The following ANKS1A variants were observed in gnomAD, a reference collection of about 807,000 sequenced individuals.
The protein encoded by ANKS1A is ankyrin repeat and SAM domain-containing protein 1A.
Under a neutral mutation model 120.3 loss-of-function variants are expected in ANKS1A, and 55 were observed. That is an observed-to-expected ratio of 0.46 (90% CI 0.37 to 0.57). ANKS1A has a LOEUF of 0.57. Ranked by LOEUF, ANKS1A falls within the 20% of genes least tolerant of loss-of-function variation. The pLI is 0.00. For missense variants in ANKS1A, 1,123 were observed against 1,480.3 expected, an observed-to-expected ratio of 0.76 and a Z score of 3.96; for synonymous variants, 590 against 604.7, an observed-to-expected ratio of 0.98 and a Z score of 0.36.
intron 1 of ANKS1A, among the ~76,000 whole-genome samples, chr6:34,909,371 T>A (rs1291883713): frequency 6.6e-6 from 1 of 152,214 alleles, no homozygotes; most frequent in African/African-American, 2.4e-5. Flanking sequence ...TGTCTTCAAC[T>A]GACATTTGCC....
At chr6:35,079,385 A>G (rs1300248898) in intron 14 of ANKS1A, 131 bp from the exon 15 acceptor site, 5 of 1,074,244 alleles carry the variant, frequency 4.7e-6, no homozygotes, top group Non-Finnish European at 6.6e-6. Flanking sequence ...GGGGGGCTGG[A>G]AGGTGCTGAG....
At chr6:35,073,448 G>A (rs1243694058) in intron 13 of ANKS1A, among the ~76,000 whole-genome samples, 1 of 152,282 alleles carries the variant, frequency 6.6e-6, no homozygotes, top group East Asian at 1.9e-4. Flanking sequence ...TGAAGTCTGA[G>A]CGAGTCAGGA....
intron 13 of ANKS1A, chr6:35,070,823 TC>T: frequency 1.9e-6 from 1 of 524,324 alleles, no homozygotes; most frequent in South Asian, 1.6e-5. Flanking sequence ...CTTTCTTTTT[TC>T]TTTGTGTGTG....
At chr6:34,991,783 CAT>C (rs893491135) in intron 9 of ANKS1A, among the ~76,000 whole-genome samples, 16 of 139,198 alleles carry the variant, frequency 1.1e-4, no homozygotes, top group East Asian at 4.0e-4. Flanking sequence ...TATATACACA[CAT>C]ATATATATAC....
intron 1 of ANKS1A, among the ~76,000 whole-genome samples, chr6:34,904,973 G>A (rs1581671886): frequency 6.6e-6 from 1 of 152,122 alleles, no homozygotes; most frequent in Non-Finnish European, 1.5e-5. Context: ...ACCACGCTCA[G>A]CTAATTTTTG....
In ANKS1A at chr6:35,082,128, C is replaced by G. The variant is rs1282616235; in HGVS notation, c.2710-563C>G. 1.3e-5 allele frequency among the ~76,000 whole-genome samples: 2 copies of G among 152,150 alleles called. No homozygotes were observed. Among genetic ancestry groups the G allele is most frequent in the Non-Finnish European group, 2.9e-5 (2 of 68,022 alleles). ...TGAATCTTTTCCTTCCTCTCCATTCCTTCCACCAGTGCCCTGGACAGGGAC... is the reference window on the plus strand; with the variant it reads ...TGAATCTTTTCCTTCCTCTCCATTCGTTCCACCAGTGCCCTGGACAGGGAC... On this transcript the variant is annotated intron_variant, in intron 17 of 23. Coordinates refer to ENST00000360359, the MANE Select transcript of ANKS1A (RefSeq NM_015245.3). This position sits in a 1 kb window ranked among gnomAD's most constrained non-coding sequence, Gnocchi z 4.1.
intron 1 of ANKS1A, among the ~76,000 whole-genome samples, chr6:34,917,055 G>A (rs1768200503): frequency 6.6e-6 from 1 of 152,086 alleles, no homozygotes; most frequent in African/African-American, 2.4e-5. Context: ...ACAAGTCCTG[G>A]GCATCTCTCT....
intron 11 of ANKS1A, among the ~76,000 whole-genome samples, chr6:35,030,468 C>T (rs937798745): frequency 6.6e-6 from 1 of 152,174 alleles, no homozygotes; most frequent in Non-Finnish European, 1.5e-5. Context: ...ATCCTAGTTA[C>T]CATGTAGTCC....
chr6:34,998,761 C>T (rs886765413), intron 10 of ANKS1A, among the ~76,000 whole-genome samples: 5 of 152,176 alleles, frequency 3.3e-5, no homozygotes. Context: ...CCTGCTGATG[C>T]TCCCAGCTGA....
At chr6:34,895,846 A>C (rs537836489) in intron 1 of ANKS1A, among the ~76,000 whole-genome samples, 10,300 of 123,234 alleles carry the variant, frequency 0.084, 571 homozygotes, top group East Asian at 0.26. Context: ...CTGGAGTGCG[A>C]TGGCACGATC....
At position 34,982,526 on chromosome 6, in the gene ANKS1A, T is replaced by C. The variant is rs1389928904; in HGVS notation, c.733-226T>C. Among the ~76,000 whole-genome samples the C allele has an allele frequency of 6.6e-6, 1 of 152,196 alleles. No homozygotes were observed. Among genetic ancestry groups the C allele is most frequent in the Non-Finnish European group, 1.5e-5 (1 of 68,036 alleles). ...CAGTAGATGGCTCTAAGAGTAACTG[T>C]TCAGTTATTCACACGTGGCCTGCTG... On this transcript the variant is annotated intron_variant, in intron 4 of 23. Coordinates refer to ENST00000360359, the MANE Select transcript of ANKS1A (RefSeq NM_015245.3). The surrounding 1 kb of genome is among the most constrained non-coding windows in gnomAD (Gnocchi z 4.9).
intron 1 of ANKS1A, among the ~76,000 whole-genome samples, chr6:34,890,685 G>C (rs1253531172): frequency 6.6e-6 from 1 of 152,180 alleles, no homozygotes; most frequent in Non-Finnish European, 1.5e-5. Flanking sequence ...TGGCTTCGAA[G>C]GGGGATTGGG....
intron 1 of ANKS1A, among the ~76,000 whole-genome samples, chr6:34,917,250 A>G (rs985347158): frequency 1.1e-4 from 17 of 152,296 alleles, no homozygotes; most frequent in Middle Eastern, 3.4e-3. Flanking sequence ...TTCTCTCCCC[A>G]CTGTGGAAGG....
intron 1 of ANKS1A, among the ~76,000 whole-genome samples, chr6:34,904,971 C>G (rs1767569802): frequency 6.6e-6 from 1 of 152,080 alleles, no homozygotes; most frequent in South Asian, 2.1e-4. Flanking sequence ...CCACCACGCT[C>G]AGCTAATTTT....
At position 35,082,891 on chromosome 6, in the gene ANKS1A, A is replaced by G; in HGVS notation, c.2835+75A>G. ...GGCCAGGCACCTGCGGCCAAGTCCC[A>G]GCAGGGACTCCACAAAGCCAGGCCC... On this transcript the variant is annotated intron_variant, in intron 18 of 23. Coordinates refer to ENST00000360359, the MANE Select transcript of ANKS1A (RefSeq NM_015245.3). The surrounding 1 kb of genome is among the most constrained non-coding windows in gnomAD (Gnocchi z 4.1). 6.4e-7 allele frequency: 1 copy of G among 1,560,330 alleles called. No homozygotes were observed. The highest frequency in any genetic ancestry group is 1.2e-5 in the South Asian group (1 of 80,906).
At chr6:34,959,661 A>G (rs1292870277) in intron 1 of ANKS1A, among the ~76,000 whole-genome samples, 1 of 152,228 alleles carries the variant, frequency 6.6e-6, no homozygotes, top group East Asian at 1.9e-4. Flanking sequence ...GAGTTGGGCC[A>G]CTTTCTGTGC....
downstream of ANKS1A, among the ~76,000 whole-genome samples, chr6:35,095,796 G>C (rs576066425): frequency 6.6e-6 from 1 of 152,208 alleles, no homozygotes; most frequent in East Asian, 1.9e-4. Flanking sequence ...ACTTCTGCAA[G>C]GACATCTGCT....
chr6:35,033,584 A>G (rs1775007635), intron 11 of ANKS1A, among the ~76,000 whole-genome samples: 1 of 152,212 alleles, frequency 6.6e-6, no homozygotes, highest in Non-Finnish European at 1.5e-5. Flanking sequence ...CTCTGTACTA[A>G]ATTCTTCCTG....
intron 3 of ANKS1A, among the ~76,000 whole-genome samples, chr6:34,972,130 T>C (rs963777345): frequency 1.3e-5 from 2 of 152,186 alleles, no homozygotes; most frequent in Non-Finnish European, 2.9e-5. Flanking sequence ...TCTAATCCTC[T>C]TTGCTCACGT....
Sources: allele counts gnomAD v4.1 joint callset (sites outside exome capture counted in the v4.1 genomes callset), GRCh38; gene constraint gnomAD v4.1.1; non-coding constraint Gnocchi (gnomAD v3.1); transcripts MANE v1.5; gene names NCBI Gene and HGNC (gene_info 2026-07-23, HGNC 2026-07-21).